INPP5D: variants seen among roughly 807,000 people sequenced by gnomAD.
The protein encoded by INPP5D is inositol polyphosphate-5-phosphatase D.
INPP5D carries 33 observed loss-of-function variants against 122.9 expected under a neutral mutation model. The ratio of observed to expected loss-of-function variants is 0.27; its 90% CI spans 0.20 to 0.36. The LOEUF is 0.36. Among genes scored for constraint, INPP5D ranks in the 10% least tolerant of loss-of-function variants. The pLI, the probability that INPP5D is intolerant of heterozygous loss-of-function variation, is 1.00. For synonymous variants in INPP5D, 584 were observed against 576.2 expected, an observed-to-expected ratio of 1.01 and a Z score of -0.19; for missense variants, 1,053 against 1,412.7, an observed-to-expected ratio of 0.75 and a Z score of 4.08.
At chr2:233,198,515 AAC>A (rs2106326330) in intron 25 of INPP5D, 139 bp downstream of exon 25, 1 of 1,317,762 alleles carries the variant, frequency 7.6e-7, no homozygotes, top group East Asian at 2.5e-5. Context: ...CTGGGGCCTG[AAC>A]ACAGCAGGCC....
At chr2:233,075,624 G>A (rs1234772714) in intron 1 of INPP5D, among the ~76,000 whole-genome samples, 1 of 150,668 alleles carries the variant, frequency 6.6e-6, no homozygotes, top group Non-Finnish European at 1.5e-5. Flanking sequence ...TGTGTATATA[G>A]GACCAGAGTG....
chr2:233,189,625 G>A lies in INPP5D; in HGVS notation c.2359-225G>A, dbSNP rs1695000475. ...GCCAGCTCAGTTTAGGAGGCCTGGG[G>A]TGCAGCGTGGAGGTGAGGGGGACAG... On this transcript the variant is annotated intron_variant, in intron 21 of 26. Coordinates refer to ENST00000445964, the MANE Select transcript of INPP5D (RefSeq NM_001017915.3). This position sits in a 1 kb window ranked among gnomAD's most constrained non-coding sequence, Gnocchi z 5.6. 1.3e-5 allele frequency among the ~76,000 whole-genome samples: 2 copies of A among 152,138 alleles called. No individual in the cohort carries two copies. The highest frequency in any genetic ancestry group is 4.1e-4 in the South Asian group (2 of 4,826).
chr2:233,120,911 AAAAAATAAAAT>A (rs140717942), intron 2 of INPP5D, among the ~76,000 whole-genome samples: 5,606 of 152,322 alleles, frequency 0.037, 336 homozygotes, highest in African/African-American at 0.13. Context: ...TAACAAATGA[AAAAAATAAAAT>A]AAAAATAAAA....
chr2:233,085,298 A>C (rs1410236772), intron 2 of INPP5D, among the ~76,000 whole-genome samples: 1 of 151,758 alleles, frequency 6.6e-6, no homozygotes, highest in Non-Finnish European at 1.5e-5. Context: ...AGGTGGGAGG[A>C]TCGCTTGAAC....
At position 233,204,594 on chromosome 2, in the gene INPP5D, G is replaced by C. The variant is rs766322758; in HGVS notation, c.3444G>C (p.Pro1148=). The C allele has an allele frequency of 3.8e-6, 6 of 1,568,676 alleles. No homozygotes were observed. In the South Asian group the frequency reaches 4.7e-5, roughly 12 times the overall value. ...GGCCGCCGCTGCCAGTCAAGAGCCC[G>C]GCGGTGCTGCACCTCCAGCACTCCA... ...TPRPPLPVKS[P]AVLHLQHSKG... is the part of the protein sequence containing the mutation. Residue 1148 remains proline, a synonymous_variant, in exon 26 of 27, where the codon CCG becomes CCC. Coordinates refer to ENST00000445964, the MANE Select transcript of INPP5D (RefSeq NM_001017915.3).
At chr2:233,182,883 TTAAGG>T (rs1227227349) in intron 19 of INPP5D, among the ~76,000 whole-genome samples, 4 of 152,192 alleles carry the variant, frequency 2.6e-5, no homozygotes, top group African/African-American at 9.7e-5. Flanking sequence ...TGTCTTCTGT[TTAAGG>T]CAAGCACCAT....
At chr2:233,070,196 T>C (rs1232157985) in intron 1 of INPP5D, among the ~76,000 whole-genome samples, 2 of 152,246 alleles carry the variant, frequency 1.3e-5, no homozygotes, top group African/African-American at 2.4e-5. Flanking sequence ...TGCACAAGTT[T>C]ATATCACACT....
rs377518837 is a variant in INPP5D, at chr2:233,188,095, C to T, written c.2359-1755C>T. Reference sequence around the variant, plus strand: ...CTGCCTCTTGCTGAGGCATCCTGAACGCTGATGGATCTTTCTGGAATGCCT... The same window carrying T: ...CTGCCTCTTGCTGAGGCATCCTGAATGCTGATGGATCTTTCTGGAATGCCT... On this transcript the variant is annotated intron_variant, in intron 21 of 26. Transcript: ENST00000445964. The surrounding 1 kb of genome is among the most constrained non-coding windows in gnomAD (Gnocchi z 4.7). Among the ~76,000 whole-genome samples the T allele has an allele frequency of 2.8e-4, 42 of 152,168 alleles. No individual in the cohort carries two copies. The East Asian group carries it at 4.7e-3, about 17-fold the overall frequency.
intron 1 of INPP5D, among the ~76,000 whole-genome samples, chr2:233,061,222 C>A (rs145602689): frequency 8.6e-6 from 1 of 115,608 alleles, no homozygotes; most frequent in Non-Finnish European, 1.7e-5. Context: ...CCGCTGCCCA[C>A]CCCCCACCCC....
intron 6 of INPP5D, 138 bp downstream of exon 6, chr2:233,140,067 T>C: frequency 7.7e-6 from 3 of 387,692 alleles, no homozygotes; most frequent in East Asian, 7.3e-5. Context: ...CAGGTACGCA[T>C]GGGTTGGGGG....
intron 1 of INPP5D, among the ~76,000 whole-genome samples, chr2:233,077,962 A>G (rs539360075): frequency 6.6e-6 from 1 of 152,264 alleles, no homozygotes; most frequent in Non-Finnish European, 1.5e-5. Context: ...TGGAGCTTCT[A>G]CACTGAGGCA....
chr2:233,178,886 C>T (rs185582392), intron 18 of INPP5D, among the ~76,000 whole-genome samples: 170 of 152,258 alleles, frequency 1.1e-3, no homozygotes, highest in African/African-American at 3.9e-3. Flanking sequence ...GAATGCTGCC[C>T]GCTGGCCACC....
In INPP5D at chr2:233,164,076, T is replaced by A; in HGVS notation, c.1437+173T>A. 1 of 1,385,994 alleles carries A rather than the reference T, an allele frequency of 7.2e-7. No individual in the cohort carries two copies. 85.9% of individuals were successfully genotyped at this position (1,385,994 alleles called of 1,614,324 possible). On this transcript the variant is annotated intron_variant, in intron 12 of 26. Coordinates refer to ENST00000445964, the MANE Select transcript of INPP5D (RefSeq NM_001017915.3). This position sits in a 1 kb window ranked among gnomAD's most constrained non-coding sequence, Gnocchi z 4.3. ...AGAAATAAATGGGATCTGTGGGGTA[T>A]TGCTGAAAACCACTGAGTCCTCTAT...
At position 233,080,699 on chromosome 2, in the gene INPP5D, A is replaced by G. The variant is rs114402025; in HGVS notation, c.198+1301A>G. Among the ~76,000 whole-genome samples the G allele has an allele frequency of 3.5e-3, 540 of 152,298 alleles. 2 individuals are homozygous for G. The highest frequency in any genetic ancestry group is 6.1e-3 in the Non-Finnish European group (415 of 68,022). On this transcript the variant is annotated intron_variant, in intron 2 of 26. Coordinates refer to ENST00000445964, the MANE Select transcript of INPP5D (RefSeq NM_001017915.3). ...GGGAATGATTCATTTTGTGCTAACT[A>G]GGATGCAGTAGTAGACAGGGAGCTG...
chr2:233,130,400 T>G (rs1337240345), intron 4 of INPP5D, 108 bp from the exon 5 acceptor site: 2 of 1,241,434 alleles, frequency 1.6e-6, no homozygotes, highest in African/African-American at 3.0e-5. Flanking sequence ...CGGTGTCCCC[T>G]TGGAGGCTCT....
chr2:233,204,862 AC>A, intron 26 of INPP5D, 145 bp downstream of exon 26: 1 of 1,204,056 alleles, frequency 8.3e-7, no homozygotes, highest in Non-Finnish European at 1.1e-6. Context: ...GCATGTGCAC[AC>A]ATGCGAGTGA....
At position 233,195,443 on chromosome 2, in the gene INPP5D, C is replaced by T; in HGVS notation, c.2641C>T (p.Leu881=). The change falls in exon 24 of 27, where the codon CTG becomes TTG. Residue 881 remains leucine (L), a synonymous_variant. Coordinates refer to ENST00000445964, the MANE Select transcript of INPP5D (RefSeq NM_001017915.3). ...TGATGAATCCAGTGGGCCAAAGACCCTGAAGAGCCTCACCAGCCACGACCC... is the reference window on the plus strand; with the variant it reads ...TGATGAATCCAGTGGGCCAAAGACCTTGAAGAGCCTCACCAGCCACGACCC... ...ERDESSGPKT[L]KSLTSHDPMK... is the part of the protein sequence containing the mutation. The T allele has an allele frequency of 6.2e-7, 1 of 1,613,716 alleles. No individual in the cohort carries two copies. Among genetic ancestry groups the T allele is most frequent in the Non-Finnish European group, 8.5e-7 (1 of 1,179,778 alleles).
At chr2:233,186,649 T>A (rs910306925) in intron 21 of INPP5D, among the ~76,000 whole-genome samples, 15 of 144,572 alleles carry the variant, frequency 1.0e-4, no homozygotes, top group African/African-American at 2.3e-4. Flanking sequence ...CAAAAAAAAA[T>A]TTTTTTTCTC....
At chr2:233,118,347 G>A (rs1220862058) in intron 2 of INPP5D, among the ~76,000 whole-genome samples, 1 of 152,160 alleles carries the variant, frequency 6.6e-6, no homozygotes, top group African/African-American at 2.4e-5. Flanking sequence ...TCTCTGCACT[G>A]CACACACTGA....
Sources: gnomAD v4.1 joint callset for allele counts (sites outside exome capture counted in the v4.1 genomes callset) on GRCh38, gnomAD v4.1.1 for gene constraint, Gnocchi (gnomAD v3.1) non-coding constraint, MANE v1.5 for transcripts, NCBI Gene and HGNC (gene_info 2026-07-23, HGNC 2026-07-21) for gene names.